The following ADARB2 variants were observed in gnomAD, a reference collection of about 807,000 sequenced individuals.
ADARB2 encodes inactive double-stranded RNA-specific editase B2.
Under a neutral mutation model 62.2 loss-of-function variants are expected in ADARB2, and 25 were observed. The ratio of observed to expected loss-of-function variants is 0.40; its 90% CI spans 0.29 to 0.56. The LOEUF is 0.56. Among genes scored for constraint, ADARB2 ranks in the 20% least tolerant of loss-of-function variants. The pLI, the probability that ADARB2 is intolerant of heterozygous loss-of-function variation, is 0.43. For synonymous variants in ADARB2, 572 were observed against 500.8 expected (o/e 1.14, Z -1.90); for missense variants, 1,071 against 1,077.4 (o/e 0.99, Z 0.08).
chr10:1,527,698 G>T (rs186000196), intron 1 of ADARB2, among the ~76,000 whole-genome samples: 1 of 152,140 alleles, frequency 6.6e-6, no homozygotes, highest in African/African-American at 2.4e-5. Context: ...TTGGTAAGAC[G>T]GGGGTCAGAT....
chr10:1,676,055 C>G, intron 1 of ADARB2: 1 of 985,404 alleles, frequency 1.0e-6, no homozygotes, highest in Non-Finnish European at 1.2e-6. Context: ...ACCTGAGCCC[C>G]TGTGCACAGG....
At chr10:1,391,447 G>C (rs1431232476) in intron 1 of ADARB2, among the ~76,000 whole-genome samples, 3 of 152,172 alleles carry the variant, frequency 2.0e-5, no homozygotes, top group Non-Finnish European at 2.9e-5. Flanking sequence ...CTTTGGGTTT[G>C]GACAAGTGAG....
intron 1 of ADARB2, among the ~76,000 whole-genome samples, chr10:1,616,881 C>T (rs958554696): frequency 1.3e-5 from 2 of 149,234 alleles, no homozygotes; most frequent in Non-Finnish European, 3.0e-5. Context: ...GGGAACTGGC[C>T]TCAGACGGTT....
At chr10:1,397,287 C>G (rs543214078) in intron 1 of ADARB2, among the ~76,000 whole-genome samples, 3 of 3,416 alleles carry the variant, frequency 8.8e-4, no homozygotes, top group African/African-American at 1.4e-3. Flanking sequence ...CTCCCGAGTG[C>G]AGGCTTCCTG....
At chr10:1,632,147 A>C (rs77709021) in intron 1 of ADARB2, among the ~76,000 whole-genome samples, 2,220 of 152,344 alleles carry the variant, frequency 0.015, 26 homozygotes, top group South Asian at 0.023. Context: ...AAACTGGATA[A>C]ATTCATCATT....
At chr10:1,241,547 C>T (rs1324585448) in intron 5 of ADARB2, among the ~76,000 whole-genome samples, 2 of 152,156 alleles carry the variant, frequency 1.3e-5, no homozygotes, top group Non-Finnish European at 2.9e-5. Flanking sequence ...GTCGCGGAGG[C>T]CACGTGCTGC....
chr10:1,253,933 C>T (rs576314401), intron 4 of ADARB2, among the ~76,000 whole-genome samples: 8 of 149,272 alleles, frequency 5.4e-5, no homozygotes, highest in African/African-American at 9.9e-5. Context: ...GGTTAAGATG[C>T]GATGGGCTCT....
In ADARB2 at chr10:1,417,821, C is replaced by T. The variant is rs78063358; in HGVS notation, c.101-38661G>A. ...CCCCTCCAGGGCTCACAGTAGATGC[C>T]TGCATGGCAAGTGGCAGCCATGTGC... On this transcript the variant is annotated intron_variant, in intron 1 of 9. Coordinates refer to ENST00000381312, the MANE Select transcript of ADARB2 (RefSeq NM_018702.4). 8.6e-3 allele frequency among the ~76,000 whole-genome samples: 1,317 copies of T among 152,356 alleles called. 8 individuals carry two copies. The highest frequency in any genetic ancestry group is 0.014 in the Non-Finnish European group (968 of 68,032).
intron 1 of ADARB2, among the ~76,000 whole-genome samples, chr10:1,525,107 C>CAG (rs1438628013): frequency 2.0e-5 from 3 of 152,092 alleles, no homozygotes; most frequent in Non-Finnish European, 4.4e-5. Flanking sequence ...GAGTTTCATG[C>CAG]CAGGAAACCA....
rs987792316 is a variant in ADARB2, at chr10:1,186,356, A to G, written c.1865-1317T>C. ...TGCTCAGAGTCTCATAGGAAGATGCATGGTCCACACAACAGTGAGTCGGCA... is the reference window on the plus strand; with the variant it reads ...TGCTCAGAGTCTCATAGGAAGATGCGTGGTCCACACAACAGTGAGTCGGCA... On this transcript the variant is annotated intron_variant, in intron 8 of 9. Coordinates refer to ENST00000381312, the MANE Select transcript of ADARB2 (RefSeq NM_018702.4). 21 of 413,204 alleles carry G rather than the reference A, an allele frequency of 5.1e-5. No homozygotes were observed. The Admixed American group carries it at 5.2e-4, about 10-fold the overall frequency. 25.6% of individuals were successfully genotyped at this position (413,204 alleles called of 1,614,324 possible). A position where few individuals can be genotyped will look rare whatever the true frequency, so the allele number is the denominator to read the frequency against.
chr10:1,314,522 C>T (rs540278628), intron 3 of ADARB2, among the ~76,000 whole-genome samples: 18 of 152,346 alleles, frequency 1.2e-4, no homozygotes, highest in African/African-American at 4.3e-4. Flanking sequence ...CCCCTCCATC[C>T]TCCCCACTGC....
At position 1,307,864 on chromosome 10, in the gene ADARB2, G is replaced by T. The variant is rs866408867; in HGVS notation, c.1078-36795C>A. Among the ~76,000 whole-genome samples, 976 of 130,908 alleles carry T rather than the reference G, an allele frequency of 7.5e-3. 7 individuals carry two copies. The highest frequency in any genetic ancestry group is 0.019 in the African/African-American group (643 of 34,720). 85.9% of individuals were successfully genotyped at this position (130,908 alleles called of 152,430 possible). ...CAAACACCGCATATTCTCACTCATA[G>T]GTGGGAATTGAACAATGAGATCACA... On this transcript the variant is annotated intron_variant, in intron 3 of 9. Coordinates refer to ENST00000381312, the MANE Select transcript of ADARB2 (RefSeq NM_018702.4).
intron 3 of ADARB2, among the ~76,000 whole-genome samples, chr10:1,305,321 CGACACATACATCCTCCCAA>C: frequency 6.6e-6 from 1 of 151,594 alleles, no homozygotes; most frequent in Non-Finnish European, 1.5e-5. Flanking sequence ...ATAAATTCCT[CGACACATACATCCTCCCAA>C]GACTAAACCA....
intron 3 of ADARB2, among the ~76,000 whole-genome samples, chr10:1,326,620 A>G (rs1485985144): frequency 6.6e-6 from 1 of 152,188 alleles, no homozygotes; most frequent in Non-Finnish European, 1.5e-5. Context: ...GGAGGAAATG[A>G]GCAGAAGAAA....
intron 6 of ADARB2, among the ~76,000 whole-genome samples, chr10:1,232,884 TATGTGTGTG>T (rs1424679391): frequency 6.7e-6 from 1 of 150,092 alleles, no homozygotes; most frequent in Admixed American, 6.6e-5. Flanking sequence ...GTGTGTGTTG[TATGTGTGTG>T]GTGTGTGTGG....
intron 1 of ADARB2, among the ~76,000 whole-genome samples, chr10:1,448,228 C>T (rs911224429): frequency 1.2e-4 from 19 of 152,036 alleles, no homozygotes; most frequent in Admixed American, 7.9e-4. Context: ...TATGAAGAGG[C>T]GAGGGGAAGA....
chr10:1,221,359 G>T (rs936331774), intron 6 of ADARB2, among the ~76,000 whole-genome samples: 1 of 150,402 alleles, frequency 6.6e-6, no homozygotes, highest in African/African-American at 2.4e-5. Flanking sequence ...GTCTTTTGAG[G>T]TCAATATCAA....
intron 1 of ADARB2, among the ~76,000 whole-genome samples, chr10:1,453,877 G>A (rs1218674757): frequency 6.6e-6 from 1 of 152,178 alleles, no homozygotes; most frequent in Non-Finnish European, 1.5e-5. Flanking sequence ...GTGCACTGAT[G>A]GTGGGAATGT....
At chr10:1,454,006 C>G (rs1460542179) in intron 1 of ADARB2, among the ~76,000 whole-genome samples, 2 of 152,158 alleles carry the variant, frequency 1.3e-5, no homozygotes. Flanking sequence ...TCTCATGCTG[C>G]TAATAAAGAC....
Sources: gnomAD v4.1 joint callset for allele counts (sites outside exome capture counted in the v4.1 genomes callset) on GRCh38, gnomAD v4.1.1 for gene constraint, MANE v1.5 for transcripts, NCBI Gene and HGNC (gene_info 2026-07-23, HGNC 2026-07-21) for gene names.